IL1RAPL1: variants seen among roughly 807,000 people sequenced by gnomAD.
The protein encoded by IL1RAPL1 is interleukin 1 receptor accessory protein like 1, also known as interleukin-1 receptor accessory protein-like 1.
In IL1RAPL1, 3 loss-of-function variants were observed where a neutral mutation model predicts 48.4. The ratio of observed to expected loss-of-function variants is 0.06; its 90% CI spans 0.03 to 0.16. The LOEUF (loss-of-function observed/expected upper bound fraction) is 0.16, where lower values mean the gene tolerates loss of function less well. Among genes scored for constraint, IL1RAPL1 ranks in the 10% least tolerant of loss-of-function variants. The pLI, the probability that IL1RAPL1 is intolerant of heterozygous loss-of-function variation, is 1.00. For missense variants in IL1RAPL1, 349 were observed against 530.6 expected (o/e 0.66, Z 3.36); for synonymous variants, 185 against 187.7 (o/e 0.99, Z 0.12).
At chrX:29,508,951 C>T (rs1423220771) in intron 5 of IL1RAPL1, among the ~76,000 whole-genome samples, 1 of 111,921 alleles carries the variant, frequency 8.9e-6, no homozygotes, top group Non-Finnish European at 1.9e-5. Context: ...AATTCTTTAA[C>T]ATTTTTGTTC....
chrX:29,069,801 G>T (rs1927527559), intron 2 of IL1RAPL1, among the ~76,000 whole-genome samples: 1 of 111,538 alleles, frequency 9.0e-6, no homozygotes, highest in Non-Finnish European at 1.9e-5. Context: ...AAGATGTAAG[G>T]CACTTGTAAG....
intron 1 of IL1RAPL1, among the ~76,000 whole-genome samples, chrX:28,723,262 A>C (rs1023909137): frequency 3.6e-5 from 4 of 110,763 alleles, no homozygotes; most frequent in Non-Finnish European, 7.5e-5. Flanking sequence ...TTATTGCCTC[A>C]ATTTCAGATA....
intron 6 of IL1RAPL1, among the ~76,000 whole-genome samples, chrX:29,740,358 C>T (rs899375567): frequency 2.7e-5 from 3 of 111,251 alleles, no homozygotes; most frequent in Non-Finnish European, 5.7e-5. Context: ...TCATCTCTAG[C>T]TTCCTAATAA....
chrX:29,399,689 G>T (rs994163009), intron 5 of IL1RAPL1, among the ~76,000 whole-genome samples: 10 of 110,357 alleles, frequency 9.1e-5, no homozygotes, highest in Non-Finnish European at 1.9e-4. Context: ...CGTGGTGGTG[G>T]GCGCCTGTAA....
chrX:29,832,990 A>G (rs557545946), intron 6 of IL1RAPL1, among the ~76,000 whole-genome samples: 1 of 111,335 alleles, frequency 9.0e-6, no homozygotes, highest in African/African-American at 3.3e-5. Context: ...ATTGTTTCTG[A>G]TGAAGTAGAA....
At chrX:29,570,105 TC>T (rs752492747) in intron 5 of IL1RAPL1, among the ~76,000 whole-genome samples, 10 of 112,176 alleles carry the variant, frequency 8.9e-5, no homozygotes, top group Non-Finnish European at 1.5e-4. Flanking sequence ...ACGGATGCAT[TC>T]TTAATAAAAG....
rs770529347 is a variant in IL1RAPL1 at position 29,871,669 on chromosome X, TC to T, written c.779-45793del. Among the ~76,000 whole-genome samples the T allele has an allele frequency of 3.5e-3, 398 of 112,374 alleles. 1 individual carries two copies. The highest frequency in any genetic ancestry group is 0.011 in the African/African-American group (354 of 30,925). ...TTGGAGTGAATGGATTTCTGTCATT[TC>T]CTGTTGTTCCTTCCATAGCCTTATG... On this transcript the variant is annotated intron_variant, in intron 6 of 10. Coordinates refer to ENST00000378993, the MANE Select transcript of IL1RAPL1 (RefSeq NM_014271.4).
intron 2 of IL1RAPL1, among the ~76,000 whole-genome samples, chrX:29,197,692 G>A (rs1167452886): frequency 9.3e-6 from 1 of 107,664 alleles, no homozygotes; most frequent in African/African-American, 3.5e-5. Flanking sequence ...TCTTTAAGGA[G>A]GTATTTCAGT....
chrX:29,413,361 TTTA>T (rs915772209), intron 5 of IL1RAPL1, among the ~76,000 whole-genome samples: 4 of 111,885 alleles, frequency 3.6e-5, no homozygotes, highest in African/African-American at 6.5e-5. Flanking sequence ...TAATCTTTTT[TTTA>T]TTATTATACT....
At chrX:28,800,532 G>T (rs772966490) in intron 2 of IL1RAPL1, among the ~76,000 whole-genome samples, 32 of 111,620 alleles carry the variant, frequency 2.9e-4, no homozygotes, top group African/African-American at 9.4e-4. Context: ...TGGAACACTA[G>T]CCCTGAAGAG....
chrX:28,755,438 T>A (rs1010816671), intron 1 of IL1RAPL1, among the ~76,000 whole-genome samples: 5 of 112,697 alleles, frequency 4.4e-5, no homozygotes, highest in African/African-American at 1.3e-4. Context: ...ACTAGTTACA[T>A]TCCAAGTGTT....
intron 2 of IL1RAPL1, among the ~76,000 whole-genome samples, chrX:29,114,605 ATTTG>A (rs1928639640): frequency 1.8e-5 from 2 of 108,692 alleles, no homozygotes; most frequent in African/African-American, 6.7e-5. Context: ...CTTTATTAGT[ATTTG>A]TTTGGTTTTT....
chrX:29,387,262 C>T (rs769686088), intron 3 of IL1RAPL1, among the ~76,000 whole-genome samples: 2 of 112,135 alleles, frequency 1.8e-5, no homozygotes, highest in East Asian at 5.6e-4. Flanking sequence ...TTTCTCTAGA[C>T]CTTTTATAGA....
At chrX:29,068,998 AGT>A (rs1927506582) in intron 2 of IL1RAPL1, among the ~76,000 whole-genome samples, 1 of 112,066 alleles carries the variant, frequency 8.9e-6, no homozygotes, top group South Asian at 3.7e-4. Flanking sequence ...TCCATGCAAT[AGT>A]GTGTTTCCTC....
Position 28,644,064 on chromosome X carries a change from G to A in IL1RAPL1, c.-25+56017G>A, listed in dbSNP as rs1241912482. 3.6e-5 allele frequency among the ~76,000 whole-genome samples: 4 copies of A among 111,351 alleles called. No homozygotes were observed. In the Admixed American group the frequency reaches 3.8e-4, roughly 11 times the overall value. ...AAAAGTCCTATTTCCTAAGGTGGAG[G>A]GAGAGAGACAAATATGTTCTCTTGT... On this transcript the variant is annotated intron_variant, in intron 1 of 10. Coordinates refer to ENST00000378993, the MANE Select transcript of IL1RAPL1 (RefSeq NM_014271.4).
intron 8 of IL1RAPL1, among the ~76,000 whole-genome samples, chrX:29,928,738 A>G (rs1016865746): frequency 6.3e-5 from 7 of 111,731 alleles, no homozygotes; most frequent in African/African-American, 2.3e-4. Context: ...AAATTCCTGC[A>G]TTTGGTAGAG....
chrX:28,645,630 A>G (rs765401152), intron 1 of IL1RAPL1, among the ~76,000 whole-genome samples: 6 of 111,356 alleles, frequency 5.4e-5, no homozygotes, highest in Non-Finnish European at 1.1e-4. Flanking sequence ...CACCATGTAT[A>G]TGAAAGATTA....
At chrX:29,466,990 A>C (rs139235888) in intron 5 of IL1RAPL1, among the ~76,000 whole-genome samples, 1 of 111,445 alleles carries the variant, frequency 9.0e-6, no homozygotes, top group Non-Finnish European at 1.9e-5. Flanking sequence ...CTACTGACTT[A>C]GAAACTGCAG....
intron 6 of IL1RAPL1, among the ~76,000 whole-genome samples, chrX:29,724,116 A>G (rs1198342613): frequency 8.9e-6 from 1 of 111,804 alleles, no homozygotes; most frequent in Non-Finnish European, 1.9e-5. Context: ...TGCCTGGCCA[A>G]TATGTATATA....
Sources: gnomAD v4.1 joint callset for allele counts (sites outside exome capture counted in the v4.1 genomes callset) on GRCh38, gnomAD v4.1.1 for gene constraint, MANE v1.5 for transcripts, NCBI Gene and HGNC (gene_info 2026-07-23, HGNC 2026-07-21) for gene names.